Variants in RAB3C observed in about 807,000 individuals in gnomAD.
The protein encoded by RAB3C is ras-related protein Rab-3C.
A neutral mutation model predicts 26.4 loss-of-function variants in RAB3C; 17 were observed. The ratio of observed to expected loss-of-function variants is 0.64; its 90% CI spans 0.44 to 0.97. RAB3C has a LOEUF of 0.97. RAB3C is among the 50% of genes least tolerant of loss of function. The probability of loss-of-function intolerance (pLI) is 0.00; values close to 1 mark genes in which losing one functional copy is unlikely to be tolerated. For missense variants in RAB3C, 242 were observed against 281.9 expected (o/e 0.86, Z 1.01); for synonymous variants, 91 against 95.9 (o/e 0.95, Z 0.30).
chr5:58,637,097 A>AATT (rs1167337557), intron 2 of RAB3C, among the ~76,000 whole-genome samples: 4 of 56,244 alleles, frequency 7.1e-5, no homozygotes, highest in Admixed American at 1.5e-4. Flanking sequence ...ATTTCAAAGA[A>AATT]CTTTTTTTTT....
chr5:58,614,018 G>C (rs955986488), intron 1 of RAB3C, among the ~76,000 whole-genome samples: 1 of 152,108 alleles, frequency 6.6e-6, no homozygotes, highest in Non-Finnish European at 1.5e-5. Flanking sequence ...CTCAGATGAT[G>C]GATGCCATGA....
At chr5:58,778,132 C>A (rs1018549396) in intron 3 of RAB3C, among the ~76,000 whole-genome samples, 2 of 152,010 alleles carry the variant, frequency 1.3e-5, no homozygotes, top group African/African-American at 2.4e-5. Flanking sequence ...TTTTTCTGTA[C>A]TTCAGAGTTT....
intron 3 of RAB3C, among the ~76,000 whole-genome samples, chr5:58,811,424 C>T (rs1014416356): frequency 6.6e-6 from 1 of 151,948 alleles, no homozygotes; most frequent in African/African-American, 2.4e-5. Flanking sequence ...ATTTTTATGA[C>T]AATCAATTAA....
At chr5:58,796,076 G>T (rs1276660782) in intron 3 of RAB3C, among the ~76,000 whole-genome samples, 2 of 152,152 alleles carry the variant, frequency 1.3e-5, no homozygotes, top group Non-Finnish European at 2.9e-5. Context: ...CCCAACAGAT[G>T]ACCTTTCCCT....
intron 1 of RAB3C, among the ~76,000 whole-genome samples, chr5:58,594,619 G>A (rs546758460): frequency 1.6e-4 from 24 of 151,986 alleles, no homozygotes; most frequent in East Asian, 1.2e-3. Context: ...CCTTTGTCTC[G>A]TAAGTGCATG....
chr5:58,699,929 C>A (rs35235161), intron 2 of RAB3C, among the ~76,000 whole-genome samples: 4 of 152,204 alleles, frequency 2.6e-5, no homozygotes, highest in African/African-American at 7.2e-5. Flanking sequence ...CTGGGTGAGG[C>A]GATGCCATGC....
chr5:58,846,042 T>C (rs1044003598), intron 4 of RAB3C, among the ~76,000 whole-genome samples: 1 of 152,232 alleles, frequency 6.6e-6, no homozygotes, highest in African/African-American at 2.4e-5. Flanking sequence ...AATCAGTATT[T>C]GTCTTTTTGT....
At position 58,853,875 on chromosome 5, in the gene RAB3C, A is replaced by G. The variant is rs574234424; in HGVS notation, c.*2524A>G. The stretch of plus-strand genomic sequence containing the variant: ...AGAGCTCAAGAGAAAGAACACTTAA[A>G]TGCTCCTGCTGTAATTGCATCAAAA... On this transcript the variant is annotated 3_prime_UTR_variant, in exon 5 of 5. Transcript: ENST00000282878. The G allele has an allele frequency of 6.6e-6, 1 of 152,242 alleles. No individual in the cohort carries two copies. Among genetic ancestry groups the G allele is most frequent in the Non-Finnish European group, 1.5e-5 (1 of 68,008 alleles). 9.4% of individuals were successfully genotyped at this position (152,242 alleles called of 1,614,324 possible). A position where few individuals can be genotyped will look rare whatever the true frequency, so the allele number is the denominator to read the frequency against.
chr5:58,717,557 A>G (rs1289823730), intron 2 of RAB3C, among the ~76,000 whole-genome samples: 1 of 152,120 alleles, frequency 6.6e-6, no homozygotes, highest in African/African-American at 2.4e-5. Flanking sequence ...GTGCCATGAC[A>G]TGGAAGATTT....
At chr5:58,622,265 A>G (rs1399024359) in intron 2 of RAB3C, among the ~76,000 whole-genome samples, 1 of 151,946 alleles carries the variant, frequency 6.6e-6, no homozygotes, top group Non-Finnish European at 1.5e-5. Flanking sequence ...AAGCCCTATA[A>G]TGGAGGTGGT....
chr5:58,754,062 A>G (rs1741593595), intron 3 of RAB3C, among the ~76,000 whole-genome samples: 1 of 151,990 alleles, frequency 6.6e-6, no homozygotes, highest in African/African-American at 2.4e-5. Context: ...GAAGTGGGAG[A>G]TTCTTCTATT....
chr5:58,753,571 G>A (rs1741581245), intron 3 of RAB3C, among the ~76,000 whole-genome samples: 1 of 152,130 alleles, frequency 6.6e-6, no homozygotes. Context: ...ATCTGGAAAG[G>A]TCAGCGTTAA....
At chr5:58,803,574 G>C (rs1742861539) in intron 3 of RAB3C, among the ~76,000 whole-genome samples, 1 of 152,170 alleles carries the variant, frequency 6.6e-6, no homozygotes, top group Admixed American at 6.5e-5. Context: ...CTCATGAACA[G>C]CTTGTTCTGC....
At chr5:58,714,706 G>GT (rs747156504) in intron 2 of RAB3C, among the ~76,000 whole-genome samples, 1 of 151,654 alleles carries the variant, frequency 6.6e-6, no homozygotes, top group South Asian at 2.1e-4. Context: ...GATATTGCTT[G>GT]TTTTTTTTAA....
intron 2 of RAB3C, among the ~76,000 whole-genome samples, chr5:58,720,868 A>G (rs184798594): frequency 3.5e-4 from 53 of 151,882 alleles, no homozygotes; most frequent in African/African-American, 1.3e-3. Flanking sequence ...CTTTAATTGA[A>G]TACAAGGAGA....
chr5:58,745,007 T>C (rs1437343657), intron 3 of RAB3C, among the ~76,000 whole-genome samples: 3 of 152,162 alleles, frequency 2.0e-5, no homozygotes, highest in Non-Finnish European at 4.4e-5. Flanking sequence ...GGCCTATCTC[T>C]CAGTCCTTGC....
At chr5:58,767,453 A>G (rs1280397465) in intron 3 of RAB3C, among the ~76,000 whole-genome samples, 1 of 152,162 alleles carries the variant, frequency 6.6e-6, no homozygotes, top group Non-Finnish European at 1.5e-5. Flanking sequence ...TGTGTCAGAT[A>G]CTCTGCTGTG....
At chr5:58,847,682 A>G (rs1744032765) in intron 4 of RAB3C, among the ~76,000 whole-genome samples, 1 of 152,168 alleles carries the variant, frequency 6.6e-6, no homozygotes, top group African/African-American at 2.4e-5. Flanking sequence ...GCTTGGATAG[A>G]AAATCAAGCC....
In RAB3C at chr5:58,662,618, G is replaced by T. The variant is rs1039769144; in HGVS notation, c.252+44748G>T. On this transcript the variant is annotated intron_variant, in intron 2 of 4. Transcript: ENST00000282878. ...CAAATGTCGTATATCTTATAAAAAA[G>T]ATCTGAGATTCAAATCCATTGAGCT... is the stretch of plus-strand genomic sequence containing the variant. 7.3e-5 allele frequency among the ~76,000 whole-genome samples: 11 copies of T among 150,126 alleles called. 2 individuals carry two copies. Among genetic ancestry groups the T allele is most frequent in the South Asian group, 2.1e-4 (1 of 4,830 alleles).
Sources: allele counts gnomAD v4.1 joint callset (sites outside exome capture counted in the v4.1 genomes callset), GRCh38; gene constraint gnomAD v4.1.1; transcripts MANE v1.5; gene names NCBI Gene and HGNC (gene_info 2026-07-23, HGNC 2026-07-21).